KLHL20: variants seen among roughly 807,000 people sequenced by gnomAD.
KLHL20 encodes kelch like family member 20, also known as kelch-like protein 20.
Under a neutral mutation model 69.5 loss-of-function variants are expected in KLHL20, and 29 were observed. The observed-to-expected ratio is 0.42, with a 90% confidence interval of 0.31 to 0.57. The LOEUF (loss-of-function observed/expected upper bound fraction) is 0.57. Among genes scored for constraint, KLHL20 ranks in the 20% least tolerant of loss-of-function variants. KLHL20 has a pLI of 0.18. For synonymous variants in KLHL20, 253 were observed against 265.2 expected (o/e 0.95, Z 0.45); for missense variants, 419 against 776.0 (o/e 0.54, Z 5.47).
At chr1:173,765,461 C>G (rs369904420) in intron 7 of KLHL20, among the ~76,000 whole-genome samples, 50 of 152,056 alleles carry the variant, frequency 3.3e-4, no homozygotes, top group African/African-American at 1.1e-3. Context: ...CAAGATCGTG[C>G]CACTGTACTC....
At chr1:173,759,834 A>G (rs1327919804) in intron 7 of KLHL20, among the ~76,000 whole-genome samples, 1 of 152,078 alleles carries the variant, frequency 6.6e-6, no homozygotes, top group Non-Finnish European at 1.5e-5. Flanking sequence ...CCCCCAAAAA[A>G]TCATACTAAT....
rs191251103 is a variant in KLHL20 at position 173,775,714 on chromosome 1, G to A, written c.1510G>A (p.Val504Ile). 13 of 1,614,200 alleles carry A rather than the reference G, an allele frequency of 8.1e-6. No individual in the cohort carries two copies. The East Asian group carries it at 2.9e-4, about 36-fold the overall frequency. ...GTRRKHLGCA[V>I]YQDMIYAVGG... ...CCGGAGGAAACACCTAGGCTGTGCAGTATATCAGGACATGATCTATGCTGT... is the reference window on the plus strand; with the variant it reads ...CCGGAGGAAACACCTAGGCTGTGCAATATATCAGGACATGATCTATGCTGT... Residue 504 changes from valine (V) to isoleucine (I), a missense_variant, in exon 10 of 12, where the codon GTA (valine) becomes ATA (isoleucine). By Grantham distance (29) the Val-to-Ile change is conservative (BLOSUM62 3). This residue lies in a region of KLHL20 where 79 missense variants were observed against 154.4 expected (regional missense o/e 0.51). Transcript: ENST00000209884.
intron 2 of KLHL20, among the ~76,000 whole-genome samples, chr1:173,727,358 G>A (rs1014484681): frequency 2.0e-5 from 3 of 152,254 alleles, no homozygotes; most frequent in Middle Eastern, 3.4e-3. Context: ...TTCCCCAATC[G>A]AGCAAGGCAG....
chr1:173,783,011 G>A (rs1396100037), intron 11 of KLHL20, among the ~76,000 whole-genome samples: 1 of 152,100 alleles, frequency 6.6e-6, no homozygotes, highest in Non-Finnish European at 1.5e-5. Flanking sequence ...GCCCTAAAAA[G>A]CCAAATTCTC....
intron 7 of KLHL20, among the ~76,000 whole-genome samples, chr1:173,764,190 G>T (rs1266173150): frequency 1.3e-5 from 2 of 152,166 alleles, no homozygotes; most frequent in Non-Finnish European, 1.5e-5. Flanking sequence ...CCTTACTCCT[G>T]CAAGGATGGC....
intron 6 of KLHL20, 23 bp downstream of exon 6, chr1:173,756,061 A>T (rs1387969791): frequency 1.3e-6 from 2 of 1,484,782 alleles, no homozygotes; most frequent in Non-Finnish European, 1.9e-6. Context: ...ATATACTGTT[A>T]GTAAATTGAG....
chr1:173,729,376 G>C (rs189325361), intron 2 of KLHL20, among the ~76,000 whole-genome samples: 1 of 152,146 alleles, frequency 6.6e-6, no homozygotes, highest in Non-Finnish European at 1.5e-5. Context: ...CATTTCACGA[G>C]GCCAGCATCA....
Position 173,775,630 on chromosome 1 carries a change from A to G in KLHL20, c.1430-4A>G, listed in dbSNP as rs750927082. ...TCACTTACTGGTTTTTCTTTTCCCT[A>G]CAGTGGAACGTTACAATCCTCAGGA... On this transcript the variant is annotated splice_region_variant and splice_polypyrimidine_tract_variant and intron_variant, in intron 9 of 11. Transcript: ENST00000209884. 6.8e-6 allele frequency: 11 copies of G among 1,613,320 alleles called. No homozygotes were observed. The South Asian group carries it at 9.9e-5, about 15-fold the overall frequency.
At chr1:173,721,022 A>T (rs79987399) in intron 2 of KLHL20, among the ~76,000 whole-genome samples, 3,771 of 152,268 alleles carry the variant, frequency 0.025, 61 homozygotes, top group Non-Finnish European at 0.035. Flanking sequence ...AGCTGTAGGC[A>T]TAAGTGATGG....
intron 3 of KLHL20, among the ~76,000 whole-genome samples, chr1:173,737,710 C>T (rs1054528911): frequency 6.6e-6 from 1 of 152,120 alleles, no homozygotes; most frequent in Non-Finnish European, 1.5e-5. Context: ...TTTTTGGTTC[C>T]ATATGAATTT....
At chr1:173,750,485 T>C (rs2102496472) in intron 3 of KLHL20, among the ~76,000 whole-genome samples, 1 of 137,400 alleles carries the variant, frequency 7.3e-6, no homozygotes, top group Admixed American at 7.2e-5. Flanking sequence ...AATTTTTCTT[T>C]TTCTTTTTTT....
intron 3 of KLHL20, among the ~76,000 whole-genome samples, chr1:173,743,451 T>C (rs1672918183): frequency 6.6e-6 from 1 of 152,020 alleles, no homozygotes; most frequent in Non-Finnish European, 1.5e-5. Flanking sequence ...TGAATTCTCC[T>C]ATACTCCTTT....
In KLHL20 at chr1:173,782,204, T is replaced by G. The variant is rs1452598328; in HGVS notation, c.1719T>G (p.Val573=). The G allele has an allele frequency of 3.7e-6, 6 of 1,613,804 alleles. No homozygotes were observed. Among genetic ancestry groups the G allele is most frequent in the Non-Finnish European group, 5.1e-6 (6 of 1,179,814 alleles). ...DGTTYLKTIE[V]FDPDANTWRL... ...CAACATACTTGAAGACCATAGAAGT[T>G]TTTGATCCTGATGCCAATACATGGA... The change falls in exon 11 of 12, where the codon GTT becomes GTG. Residue 573 remains valine (V), a synonymous_variant. Coordinates refer to ENST00000209884, the MANE Select transcript of KLHL20 (RefSeq NM_014458.4).
intron 7 of KLHL20, among the ~76,000 whole-genome samples, chr1:173,764,661 G>A (rs1315657269): frequency 6.6e-6 from 1 of 152,122 alleles, no homozygotes; most frequent in African/African-American, 2.4e-5. Flanking sequence ...CACTGATAAT[G>A]TGGGAGCTAA....
Position 173,781,920 on chromosome 1 carries a change from G to A in KLHL20, c.1639-204G>A, listed in dbSNP as rs6690374. On this transcript the variant is annotated intron_variant, in intron 10 of 11. Transcript: ENST00000209884. Reference sequence around the variant, plus strand: ...AAGAAATACATGTTTTGGATTCTGTGTGAATATTCTAATTGAATATATAAT... The same window carrying A: ...AAGAAATACATGTTTTGGATTCTGTATGAATATTCTAATTGAATATATAAT... 3.2e-3 allele frequency: 1,457 copies of A among 460,494 alleles called. 14 individuals carry two copies. The highest frequency in any genetic ancestry group is 0.022 in the African/African-American group (1,131 of 50,496). The allele number at this position is 460,494 out of a possible 1,614,324, so 28.5% of individuals were successfully genotyped here.
Position 173,785,331 on chromosome 1 carries a change from T to C in KLHL20, c.*84T>C. The C allele has an allele frequency of 1.2e-6, 1 of 860,302 alleles. No individual in the cohort carries two copies. Among genetic ancestry groups the C allele is most frequent in the South Asian group, 2.3e-5 (1 of 44,054 alleles). The allele number at this position is 860,302 out of a possible 1,614,324, so 53.3% of individuals were successfully genotyped here. ...AGCTTTGTACAGCTTGAGAAAACAT[T>C]AGAACAAATTTTATTATTTGCCGGT... On this transcript the variant is annotated 3_prime_UTR_variant, in exon 12 of 12. Transcript: ENST00000209884.
chr1:173,755,878 A>G, intron 5 of KLHL20, 45 bp from the exon 6 acceptor site: 1 of 1,276,020 alleles, frequency 7.8e-7, no homozygotes, highest in South Asian at 1.2e-5. Context: ...CTTAACTAAC[A>G]ATGTAATTTA....
chr1:173,741,716 G>A (rs1194209054), intron 3 of KLHL20: 56 of 1,281,888 alleles, frequency 4.4e-5, no homozygotes, highest in Non-Finnish European at 5.7e-5. Context: ...CTCCAGAAGA[G>A]GAGAAGAGGA....
intron 7 of KLHL20, among the ~76,000 whole-genome samples, chr1:173,760,781 C>T (rs1558211056): frequency 6.6e-6 from 1 of 152,164 alleles, no homozygotes. Flanking sequence ...GCATAAATCA[C>T]ACAGTACCCA....
Sources: gnomAD v4.1 joint callset for allele counts (sites outside exome capture counted in the v4.1 genomes callset) on GRCh38, gnomAD v4.1.1 for gene constraint, gnomAD v4.1.1 regional missense constraint, MANE v1.5 for transcripts, NCBI Gene and HGNC (gene_info 2026-07-23, HGNC 2026-07-21) for gene names.